The following TMEM123 variants were observed in gnomAD, a reference collection of about 807,000 sequenced individuals.
The protein encoded by TMEM123 is porimin.
A neutral mutation model predicts 19.7 loss-of-function variants in TMEM123; 16 were observed. The ratio of observed to expected loss-of-function variants is 0.81; its 90% CI spans 0.55 to 1.23. TMEM123 has a LOEUF of 1.23. Among genes scored for constraint, TMEM123 ranks in the 50% most tolerant of loss-of-function variants. The pLI, the probability that TMEM123 is intolerant of heterozygous loss-of-function variation, is 0.00. For missense variants in TMEM123, 313 were observed against 257.8 expected, an observed-to-expected ratio of 1.21 and a Z score of -1.47; for synonymous variants, 118 against 99.4, an observed-to-expected ratio of 1.19 and a Z score of -1.12.
chr11:102,452,530 T>C lies in TMEM123; in HGVS notation c.94A>G (p.Met32Val), dbSNP rs1314677964. The change falls in exon 1 of 5, where the codon ATG becomes GTG. Residue 32 changes from methionine (M) to valine (V), a missense_variant. Transcript: ENST00000398136. ...LLGAAHESAAMAASANIENSG... is the reference protein window; with the variant it reads ...LLGAAHESAAVAASANIENSG... Reference sequence around the variant, plus strand: ...GACCCCCGCAGCCACTTACCCGCCATGGCTGCGCTTTCATGGGCGGCCCCC... The same window carrying C: ...GACCCCCGCAGCCACTTACCCGCCACGGCTGCGCTTTCATGGGCGGCCCCC... 1 of 1,539,656 alleles carries C rather than the reference T, an allele frequency of 6.5e-7. No homozygotes were observed. Among genetic ancestry groups the C allele is most frequent in the Non-Finnish European group, 8.7e-7 (1 of 1,145,824 alleles).
chr11:102,446,552 G>T (rs192900057), intron 2 of TMEM123, among the ~76,000 whole-genome samples: 1 of 152,268 alleles, frequency 6.6e-6, no homozygotes, highest in Non-Finnish European at 1.5e-5. Flanking sequence ...TTTTGATAAG[G>T]CAAGTCAGCA....
chr11:102,445,167 T>C (rs1857870332), intron 2 of TMEM123, among the ~76,000 whole-genome samples: 6 of 151,682 alleles, frequency 4.0e-5, no homozygotes. Context: ...ACTCGAAGTA[T>C]AAAAAAAAAT....
In TMEM123 at chr11:102,397,380, C is replaced by T. The variant is rs745404034; in HGVS notation, c.*1487G>A. 2.0e-4 allele frequency: 30 copies of T among 152,146 alleles called. No individual in the cohort carries two copies. The highest frequency in any genetic ancestry group is 4.0e-4 in the Non-Finnish European group (27 of 68,000). The allele number at this position is 152,146 out of a possible 1,614,324, so 9.4% of individuals were successfully genotyped here. On this transcript the variant is annotated 3_prime_UTR_variant, in exon 5 of 5. Coordinates refer to ENST00000398136, the MANE Select transcript of TMEM123 (RefSeq NM_052932.3). ...AGGACCTTCAGAAACTGGTGTGATTCACTTTGGCCCTCTGAGATAGAAATG... is the reference window on the plus strand; with the variant it reads ...AGGACCTTCAGAAACTGGTGTGATTTACTTTGGCCCTCTGAGATAGAAATG...
At position 102,402,109 on chromosome 11, in the gene TMEM123, C is replaced by A. The variant is rs754282824; in HGVS notation, c.255G>T (p.Thr85=). The A allele has an allele frequency of 1.4e-5, 23 of 1,613,860 alleles. No homozygotes were observed. The highest frequency in any genetic ancestry group is 1.8e-5 in the Non-Finnish European group (21 of 1,180,030). Residue 85 remains threonine (T), a synonymous_variant, in exon 3 of 5, where the codon ACG becomes ACT. Transcript: ENST00000398136. ...CCGCTGTAGGTTTCATGGTGGTGAC[C>A]GTTGTATTACTGGAGTCTGAGGCAA... is the stretch of plus-strand genomic sequence containing the variant. ...TSVASDSSNT[T]VTTMKPTAAS...
At chr11:102,411,264 TTC>T (rs1350486374) in intron 2 of TMEM123, among the ~76,000 whole-genome samples, 3 of 152,282 alleles carry the variant, frequency 2.0e-5, no homozygotes, top group African/African-American at 7.2e-5. Flanking sequence ...TCTGAGGGGC[TTC>T]TGAGTTGGTG....
At chr11:102,424,391 A>T (rs1952109216) in intron 2 of TMEM123, among the ~76,000 whole-genome samples, 1 of 152,214 alleles carries the variant, frequency 6.6e-6, no homozygotes, top group Admixed American at 6.5e-5. Flanking sequence ...TACAGATTTG[A>T]AAATAAACTC....
Position 102,433,130 on chromosome 11 carries a change from G to A in TMEM123, c.157+15682C>T, listed in dbSNP as rs187449141. Among the ~76,000 whole-genome samples the A allele has an allele frequency of 2.6e-5, 4 of 152,086 alleles. No individual in the cohort carries two copies. In the East Asian group the frequency reaches 7.7e-4, roughly 29 times the overall value. ...GTCCCCACTGGGGCACTGCCTAGTG[G>A]AGCTGTGAGAAGAGGGCCACTGTCC... On this transcript the variant is annotated intron_variant, in intron 2 of 4. Coordinates refer to ENST00000398136, the MANE Select transcript of TMEM123 (RefSeq NM_052932.3).
intron 2 of TMEM123, among the ~76,000 whole-genome samples, chr11:102,408,295 AAAT>A (rs1306041502): frequency 6.6e-6 from 1 of 152,188 alleles, no homozygotes; most frequent in Non-Finnish European, 1.5e-5. Flanking sequence ...CTGCTGTAAA[AAAT>A]ATATTCCAAC....
intron 2 of TMEM123, among the ~76,000 whole-genome samples, chr11:102,421,073 G>A (rs1952082014): frequency 6.6e-6 from 1 of 152,062 alleles, no homozygotes; most frequent in Admixed American, 6.6e-5. Context: ...AAAAAAACTA[G>A]GGGATAAACA....
intron 2 of TMEM123, among the ~76,000 whole-genome samples, chr11:102,442,410 G>A (rs1310748497): frequency 2.0e-5 from 3 of 152,088 alleles, no homozygotes; most frequent in African/African-American, 7.2e-5. Flanking sequence ...ATCAATAAAC[G>A]TAATCCAGCA....
In TMEM123 at chr11:102,402,034, G is replaced by C. The variant is rs751749943; in HGVS notation, c.330C>G (p.Thr110=). The stretch of plus-strand genomic sequence containing the variant: ...TTGTTTTGGGTGTAGACTTTAAGGT[G>C]GTAGAAGTCATATTTGTTGAGACCA... ...PGMVSTNMTS[T]TLKSTPKTTS... is the part of the protein sequence containing the mutation. The change falls in exon 3 of 5, where the codon ACC becomes ACG. Residue 110 remains threonine, a synonymous_variant. Coordinates refer to ENST00000398136, the MANE Select transcript of TMEM123 (RefSeq NM_052932.3). 1 of 1,613,782 alleles carries C rather than the reference G, an allele frequency of 6.2e-7. No individual in the cohort carries two copies. The highest frequency in any genetic ancestry group is 8.5e-7 in the Non-Finnish European group (1 of 1,179,964).
chr11:102,425,935 AC>A (rs1952123077), intron 2 of TMEM123, among the ~76,000 whole-genome samples: 1 of 151,962 alleles, frequency 6.6e-6, no homozygotes, highest in Non-Finnish European at 1.5e-5. Flanking sequence ...CATTATCTGC[AC>A]CTTTATTATT....
chr11:102,411,866 A>G (rs1251156327), intron 2 of TMEM123, among the ~76,000 whole-genome samples: 1 of 152,234 alleles, frequency 6.6e-6, no homozygotes, highest in African/African-American at 2.4e-5. Flanking sequence ...TGCCTAGCAC[A>G]GTCTGGAGCA....
In TMEM123 at chr11:102,452,673, C is replaced by G. The variant is rs1349257345; in HGVS notation, c.-50G>C. 1 of 1,364,438 alleles carries G rather than the reference C, an allele frequency of 7.3e-7. No individual in the cohort carries two copies. Among genetic ancestry groups the G allele is most frequent in the South Asian group, 1.6e-5 (1 of 64,124 alleles). The allele number at this position is 1,364,438 out of a possible 1,614,324, so 84.5% of individuals were successfully genotyped here. Reference sequence around the variant, plus strand: ...CCTCGTGGGCTCCCAGCCGAGGTGGCGGCGGCGAGAGCGGCTCCTCTGCGC... The same window carrying G: ...CCTCGTGGGCTCCCAGCCGAGGTGGGGGCGGCGAGAGCGGCTCCTCTGCGC... On this transcript the variant is annotated 5_prime_UTR_variant, in exon 1 of 5. Transcript: ENST00000398136.
At position 102,402,332 on chromosome 11, in the gene TMEM123, C is replaced by T; in HGVS notation, c.158-126G>A. The T allele has an allele frequency of 4.2e-6, 4 of 956,568 alleles. No individual in the cohort carries two copies. The South Asian group carries it at 6.7e-5, about 16-fold the overall frequency. 59.3% of individuals were successfully genotyped at this position (956,568 alleles called of 1,614,324 possible). On this transcript the variant is annotated intron_variant, in intron 2 of 4. Coordinates refer to ENST00000398136, the MANE Select transcript of TMEM123 (RefSeq NM_052932.3). Reference sequence around the variant, plus strand: ...TACAAATACAGCAGCATTTAACATACTTAGCCCATTAATACTTTGCACTAT... The same window carrying T: ...TACAAATACAGCAGCATTTAACATATTTAGCCCATTAATACTTTGCACTAT...
intron 2 of TMEM123, among the ~76,000 whole-genome samples, chr11:102,407,774 C>T (rs1213390823): frequency 1.3e-5 from 2 of 152,140 alleles, no homozygotes; most frequent in Non-Finnish European, 2.9e-5. Flanking sequence ...TCTCAAAGCC[C>T]CCAGAAGGAA....
At chr11:102,451,904 T>C (rs867580290) in intron 1 of TMEM123, among the ~76,000 whole-genome samples, 5 of 151,976 alleles carry the variant, frequency 3.3e-5, no homozygotes, top group Non-Finnish European at 7.4e-5. Flanking sequence ...ACACGAGGGG[T>C]GGAGAGCGCC....
chr11:102,444,619 C>A (rs1857862879), intron 2 of TMEM123, among the ~76,000 whole-genome samples: 1 of 152,006 alleles, frequency 6.6e-6, no homozygotes, highest in Non-Finnish European at 1.5e-5. Context: ...AGCACACCAA[C>A]ATGGCATATG....
At chr11:102,431,657 T>C (rs574581894) in intron 2 of TMEM123, among the ~76,000 whole-genome samples, 9 of 152,180 alleles carry the variant, frequency 5.9e-5, no homozygotes, top group African/African-American at 1.4e-4. Context: ...TAGTATTCCA[T>C]TGTGTGTATA....
Sources: gnomAD v4.1 joint callset for allele counts (sites outside exome capture counted in the v4.1 genomes callset) on GRCh38, gnomAD v4.1.1 for gene constraint, MANE v1.5 for transcripts, NCBI Gene and HGNC (gene_info 2026-07-23, HGNC 2026-07-21) for gene names.